CCDC88A: variants seen among roughly 807,000 people sequenced by gnomAD.
CCDC88A encodes the protein coiled-coil and HOOK domain protein 88A.
In CCDC88A, 54 loss-of-function variants were observed where a neutral mutation model predicts 234.3. The observed-to-expected ratio is 0.23, with a 90% confidence interval of 0.19 to 0.29. CCDC88A has a LOEUF of 0.29. CCDC88A is among the 10% of genes least tolerant of loss of function. The pLI is 1.00. For synonymous variants in CCDC88A, 753 were observed against 737.8 expected, an observed-to-expected ratio of 1.02 and a Z score of -0.33; for missense variants, 1,832 against 2,123.4, an observed-to-expected ratio of 0.86 and a Z score of 2.70.
chr2:55,350,496 ATC>A (rs907169210), intron 8 of CCDC88A: 1 of 151,758 alleles, frequency 6.6e-6, no homozygotes, highest in Non-Finnish European at 1.5e-5. Flanking sequence ...TCCACTTACT[ATC>A]TCTACTTTTC....
intron 6 of CCDC88A, 91 bp from the exon 7 acceptor site, chr2:55,362,539 T>C (rs1671454800): frequency 4.0e-6 from 4 of 991,388 alleles, no homozygotes; most frequent in South Asian, 3.9e-5. Context: ...CCAAGTATTA[T>C]ATAACCCATA....
intron 2 of CCDC88A, among the ~76,000 whole-genome samples, chr2:55,401,121 T>C (rs1678534911): frequency 6.6e-6 from 1 of 151,700 alleles, no homozygotes; most frequent in African/African-American, 2.4e-5. Flanking sequence ...CATAGAAAAT[T>C]AGTGGTTTTA....
chr2:55,349,434 G>A lies in CCDC88A; in HGVS notation c.882+84C>T, dbSNP rs540092111. On this transcript the variant is annotated intron_variant, in intron 9 of 32. Coordinates refer to ENST00000436346, the MANE Select transcript of CCDC88A (RefSeq NM_001365480.1). ...ACCTCTTTTATTTACATAAAGCATTGAAGTAAAGGTTATAAATTACAAGGA... is the reference window on the plus strand; with the variant it reads ...ACCTCTTTTATTTACATAAAGCATTAAAGTAAAGGTTATAAATTACAAGGA... The A allele has an allele frequency of 9.4e-6, 9 of 961,148 alleles. No homozygotes were observed. In the South Asian group the frequency reaches 1.1e-4, roughly 12 times the overall value. 59.5% of individuals were successfully genotyped at this position (961,148 alleles called of 1,614,324 possible). A position where few individuals can be genotyped will look rare whatever the true frequency, so the allele number is the denominator to read the frequency against.
intron 8 of CCDC88A, among the ~76,000 whole-genome samples, chr2:55,353,620 T>C (rs1337262688): frequency 1.4e-5 from 2 of 143,924 alleles, no homozygotes; most frequent in Non-Finnish European, 3.0e-5. Flanking sequence ...AAATCTATAT[T>C]CTGAAGCTCA....
At position 55,296,006 on chromosome 2, in the gene CCDC88A, C is replaced by A. The variant is rs760108885; in HGVS notation, c.5142G>T (p.Leu1714Phe). Residue 1714 changes from leucine to phenylalanine, a missense_variant, in exon 31 of 33, where the codon TTG (leucine) becomes TTT (phenylalanine). By Grantham distance (22) the Leu-to-Phe change is conservative. Around this residue, in one of 6 missense-constraint regions of CCDC88A, gnomAD observed 422 missense variants for 416.5 expected, o/e 1.01. Coordinates refer to ENST00000436346, the MANE Select transcript of CCDC88A (RefSeq NM_001365480.1). ...ENLLDEVMKS[L>F]SVSSDFLGKD... is the part of the protein sequence containing the mutation. ...TTCCCAAAAAGTCAGAAGAGACAGACAAACTTTTCATTACTTCATCTAAAA... is the reference window on the plus strand; with the variant it reads ...TTCCCAAAAAGTCAGAAGAGACAGAAAAACTTTTCATTACTTCATCTAAAA... 6.2e-7 allele frequency: 1 copy of A among 1,608,640 alleles called. No homozygotes were observed. Among genetic ancestry groups the A allele is most frequent in the African/African-American group, 1.3e-5 (1 of 74,514 alleles).
chr2:55,416,536 T>C (rs1291335084), intron 2 of CCDC88A, among the ~76,000 whole-genome samples: 4 of 140,656 alleles, frequency 2.8e-5, no homozygotes, highest in Non-Finnish European at 6.2e-5. Context: ...CTAAATTTGA[T>C]AAAAACTATA....
intron 12 of CCDC88A, among the ~76,000 whole-genome samples, chr2:55,342,907 T>C (rs1244095081): frequency 6.6e-6 from 1 of 152,268 alleles, no homozygotes. Flanking sequence ...AATCTAATAC[T>C]GGGCAAAACT....
chr2:55,322,132 T>C (rs1332614772), intron 18 of CCDC88A, among the ~76,000 whole-genome samples: 4 of 152,142 alleles, frequency 2.6e-5, no homozygotes, highest in Non-Finnish European at 4.4e-5. Flanking sequence ...ACGGTGGTAA[T>C]AAAAAGAAAG....
intron 2 of CCDC88A, chr2:55,394,552 T>A (rs1183249059): frequency 6.7e-6 from 1 of 150,028 alleles, no homozygotes; most frequent in African/African-American, 2.5e-5. Flanking sequence ...CCACCAACAG[T>A]GTAAAAGTGT....
chr2:55,373,795 A>G (rs1460961106), intron 4 of CCDC88A, among the ~76,000 whole-genome samples: 1 of 152,162 alleles, frequency 6.6e-6, no homozygotes, highest in Non-Finnish European at 1.5e-5. Flanking sequence ...TTCCTCTATA[A>G]AAATAGCTAC....
At chr2:55,291,434 C>T in intron 32 of CCDC88A, 1 of 274,398 alleles carries the variant, frequency 3.6e-6, no homozygotes, top group South Asian at 1.5e-4. Context: ...ACATAATTCA[C>T]TAGTAAAATT....
At chr2:55,392,002 C>T (rs1436612363) in intron 2 of CCDC88A, among the ~76,000 whole-genome samples, 1 of 152,172 alleles carries the variant, frequency 6.6e-6, no homozygotes, top group Non-Finnish European at 1.5e-5. Flanking sequence ...AGAAGGGTTG[C>T]AGGCCACATA....
At chr2:55,391,847 C>T (rs1676707096) in intron 2 of CCDC88A, among the ~76,000 whole-genome samples, 1 of 152,152 alleles carries the variant, frequency 6.6e-6, no homozygotes, top group Admixed American at 6.5e-5. Flanking sequence ...CCCTTCTTGT[C>T]CCAATAATGA....
intron 8 of CCDC88A, among the ~76,000 whole-genome samples, chr2:55,353,440 A>G (rs1171079051): frequency 6.6e-6 from 1 of 152,174 alleles, no homozygotes; most frequent in Non-Finnish European, 1.5e-5. Flanking sequence ...TGTTCATTTC[A>G]ATAGATACAT....
intron 12 of CCDC88A, 168 bp from the exon 13 acceptor site, chr2:55,339,816 T>C (rs66507139): frequency 0.51 from 260,532 of 511,406 alleles, 73,160 homozygotes; most frequent in Admixed American, 0.62. Flanking sequence ...GAAGTAAATC[T>C]TTTTTTTCCT....
rs1370057245 is a variant in CCDC88A at position 55,309,063 on chromosome 2, A to G, written c.4173-40T>C. On this transcript the variant is annotated intron_variant, in intron 24 of 32. Transcript: ENST00000436346. The surrounding 1 kb of genome is among the most constrained non-coding windows in gnomAD (Gnocchi z 5.1). ...AAAATTGTTATCAGTTTAAAATTCA[A>G]CATACAAATCCTTCACAAAAGTAGA... 8 of 1,520,106 alleles carry G rather than the reference A, an allele frequency of 5.3e-6. No individual in the cohort carries two copies. Among genetic ancestry groups the G allele is most frequent in the Admixed American group, 1.7e-5 (1 of 59,148 alleles). 94.2% of individuals were successfully genotyped at this position (1,520,106 alleles called of 1,614,324 possible).
chr2:55,395,791 A>G (rs1157144446), intron 2 of CCDC88A, among the ~76,000 whole-genome samples: 2 of 152,236 alleles, frequency 1.3e-5, no homozygotes, highest in Non-Finnish European at 2.9e-5. Flanking sequence ...ACTATTAGTA[A>G]GGTAAGCTAA....
intron 2 of CCDC88A, among the ~76,000 whole-genome samples, chr2:55,400,700 T>TA (rs1374411795): frequency 1.3e-5 from 2 of 152,198 alleles, no homozygotes; most frequent in African/African-American, 4.8e-5. Flanking sequence ...CTAATATATA[T>TA]AAGAAACAGA....
chr2:55,352,437 C>A (rs957400417), intron 8 of CCDC88A, among the ~76,000 whole-genome samples: 30 of 127,874 alleles, frequency 2.3e-4, no homozygotes, highest in Non-Finnish European at 4.2e-4. Context: ...AAAAAAAAAA[C>A]ACACAAAAAA....
Sources: gnomAD v4.1 joint callset for allele counts (sites outside exome capture counted in the v4.1 genomes callset) on GRCh38, gnomAD v4.1.1 for gene constraint, gnomAD v4.1.1 regional missense constraint, Gnocchi (gnomAD v3.1) non-coding constraint, MANE v1.5 for transcripts, NCBI Gene and HGNC (gene_info 2026-07-23, HGNC 2026-07-21) for gene names.